Variants in EPN3 observed in about 807,000 individuals in gnomAD.
The protein encoded by EPN3 is epsin 3, also known as epsin-3.
A neutral mutation model predicts 55.5 loss-of-function variants in EPN3; 56 were observed. The observed-to-expected ratio is 1.01, with a 90% CI of 0.81 to 1.26. The LOEUF (loss-of-function observed/expected upper bound fraction) is 1.26, where lower values mean the gene tolerates loss of function less well. EPN3 is among the 50% of genes most tolerant of loss of function. EPN3 has a pLI of 0.00. For missense variants in EPN3, 927 were observed against 853.4 expected (o/e 1.09, Z -1.07); for synonymous variants, 449 against 375.2 (o/e 1.20, Z -2.27).
intron 1 of EPN3, among the ~76,000 whole-genome samples, chr17:50,534,951 T>C (rs893515057): frequency 2.0e-5 from 3 of 152,310 alleles, no homozygotes; most frequent in Middle Eastern, 3.4e-3. Flanking sequence ...GTGGAGGCTC[T>C]GCAGGCCCAG....
Position 50,543,408 on chromosome 17 carries a change from T to C in EPN3, c.*1251T>C, listed in dbSNP as rs1399025719. 6.6e-6 allele frequency: 1 copy of C among 152,286 alleles called. No homozygotes were observed. Among genetic ancestry groups the C allele is most frequent in the East Asian group, 1.9e-4 (1 of 5,200 alleles). 9.4% of individuals were successfully genotyped at this position (152,286 alleles called of 1,614,324 possible). A position where few individuals can be genotyped will look rare whatever the true frequency, so the allele number is the denominator to read the frequency against. On this transcript the variant is annotated 3_prime_UTR_variant, in exon 10 of 10. Coordinates refer to ENST00000268933, the MANE Select transcript of EPN3 (RefSeq NM_017957.3). ...TGACCACCCTCGCCTGTTTTTCTTC[T>C]CAATGCTCCCTGATCACTGGACCAC...
chr17:50,540,658 C>CT, intron 6 of EPN3, 135 bp from the exon 7 acceptor site: 2 of 1,214,038 alleles, frequency 1.6e-6, no homozygotes, highest in Non-Finnish European at 2.3e-6. Flanking sequence ...CTCCAGCCTG[C>CT]TGGGTGGTCC....
intron 1 of EPN3, among the ~76,000 whole-genome samples, chr17:50,533,917 C>A (rs1042611896): frequency 6.6e-6 from 1 of 152,192 alleles, no homozygotes; most frequent in African/African-American, 2.4e-5. Flanking sequence ...CTGCCCAGGG[C>A]TGCTGCTGCT....
intron 5 of EPN3, 37 bp from the exon 6 acceptor site, chr17:50,540,209 GC>G: frequency 6.3e-7 from 1 of 1,576,932 alleles, no homozygotes; most frequent in Non-Finnish European, 8.7e-7. Context: ...TCCAGGCCCC[GC>G]CCACTTCTGA....
rs1038815665 is a variant in EPN3 at position 50,541,916 on chromosome 17, G to T, written c.1658G>T (p.Arg553Leu). Residue 553 changes from arginine (R) to leucine (L), a missense_variant, in exon 10 of 10, where the codon CGC (arginine) becomes CTC (leucine). Transcript: ENST00000268933. ...EPGRPTLNQM[R>L]TGSPALGLAG... ...GGCAGGCCGACGCTAAACCAGATGC[G>T]CACCGGCTCGCCGGCGCTGGGCCTG... 5.0e-6 allele frequency: 8 copies of T among 1,601,814 alleles called. No homozygotes were observed. The highest frequency in any genetic ancestry group is 2.2e-5 in the South Asian group (2 of 90,974).
At chr17:50,534,331 A>G (rs2034727011) in intron 1 of EPN3, 2 of 837,632 alleles carry the variant, frequency 2.4e-6, no homozygotes, top group Non-Finnish European at 2.9e-6. Flanking sequence ...CCACACCGAG[A>G]GTCCCCTCCC....
chr17:50,540,197 C>G (rs1204943996), intron 5 of EPN3, 50 bp from the exon 6 acceptor site: 2 of 1,484,060 alleles, frequency 1.3e-6, no homozygotes, highest in East Asian at 4.5e-5. Context: ...GCCTGCCCTC[C>G]CTCCAGGCCC....
chr17:50,542,073 C>A lies in EPN3; in HGVS notation c.1815C>A (p.Phe605Leu), dbSNP rs974557618. 3.2e-6 allele frequency: 5 copies of A among 1,583,238 alleles called. No homozygotes were observed. Among genetic ancestry groups the A allele is most frequent in the Non-Finnish European group, 4.3e-6 (5 of 1,174,246 alleles). ...GCGTCTTCCCGCAGGCCGGAGCCTT[C>A]GCACCGCAGCCGCTGCTGCCCACGC... is the stretch of plus-strand genomic sequence containing the variant. ...SVSVFPQAGA[F>L]APQPLLPTPS... The change falls in exon 10 of 10, where the codon TTC (phenylalanine) becomes TTA (leucine). Residue 605 changes from phenylalanine (F) to leucine (L), a missense_variant. Coordinates refer to ENST00000268933, the MANE Select transcript of EPN3 (RefSeq NM_017957.3).
At position 50,541,856 on chromosome 17, in the gene EPN3, C is replaced by A; in HGVS notation, c.1598C>A (p.Pro533Gln). The change falls in exon 10 of 10, where the codon CCG (proline) becomes CAG (glutamine). Residue 533 changes from proline (P) to glutamine (Q), a missense_variant. By Grantham distance (76) the Pro-to-Gln change is moderately conservative. Coordinates refer to ENST00000268933, the MANE Select transcript of EPN3 (RefSeq NM_017957.3). ...RNPFLTGLSA[P>Q]SPTNPFGAGE... is the part of the protein sequence containing the mutation. ...TCTCGTTCTGCAGGTCTCAGCGCTC[C>A]GTCCCCCACCAACCCGTTCGGCGCG... 1 of 1,609,948 alleles carries A rather than the reference C, an allele frequency of 6.2e-7. No individual in the cohort carries two copies. The highest frequency in any genetic ancestry group is 8.5e-7 in the Non-Finnish European group (1 of 1,180,004).
intron 7 of EPN3, 27 bp from the exon 8 acceptor site, chr17:50,541,202 A>G (rs1363566143): frequency 5.0e-6 from 8 of 1,612,716 alleles, no homozygotes; most frequent in Non-Finnish European, 6.8e-6. Context: ...TTGTCAACCC[A>G]TCTCCTCTTC....
At position 50,541,711 on chromosome 17, in the gene EPN3, T is replaced by C. The variant is rs956167355; in HGVS notation, c.1585+17T>C. On this transcript the variant is annotated intron_variant, in intron 9 of 9. Transcript: ENST00000268933. ...TCCTGACAGGTAAGATATGCCCTTG[T>C]CCCTCAACCCAGGGGCTCCTGCTTT... 9.9e-6 allele frequency: 16 copies of C among 1,611,920 alleles called. No individual in the cohort carries two copies. The African/African-American group carries it at 2.1e-4, about 22-fold the overall frequency.
chr17:50,538,641 A>G (rs932264946), intron 3 of EPN3: 5 of 454,964 alleles, frequency 1.1e-5, no homozygotes, highest in Non-Finnish European at 2.0e-5. Context: ...CTCACACAGG[A>G]GGGCCTGAGG....
intron 1 of EPN3, 143 bp downstream of exon 1, chr17:50,533,128 T>C (rs1455218145): frequency 9.2e-6 from 4 of 434,750 alleles, no homozygotes; most frequent in Non-Finnish European, 1.5e-5. Context: ...AAAGGCTTCT[T>C]TCCTGCCACC....
At position 50,540,260 on chromosome 17, in the gene EPN3, A is replaced by T. The variant is rs2034828121; in HGVS notation, c.905A>T (p.Asp302Val). The T allele has an allele frequency of 6.2e-7, 1 of 1,612,356 alleles. No homozygotes were observed. Among genetic ancestry groups the T allele is most frequent in the African/African-American group, 1.3e-5 (1 of 74,892 alleles). Residue 302 changes from aspartate (D) to valine (V), a missense_variant, in exon 6 of 10, where the codon GAC (aspartate) becomes GTC (valine). By Grantham distance (152) the Asp-to-Val change is radical. Transcript: ENST00000268933. The part of the protein sequence containing the change: ...KLKTSQSSIL[D>V]LADIFVPALA... Reference sequence around the variant, plus strand: ...TCCCCTCCACAGTCCTCCATCCTGGACTTGGCTGACATCTTCGTACCTGCC... The same window carrying T: ...TCCCCTCCACAGTCCTCCATCCTGGTCTTGGCTGACATCTTCGTACCTGCC...
At chr17:50,540,485 C>G (rs2034832177) in intron 6 of EPN3, 151 bp downstream of exon 6, 1 of 747,442 alleles carries the variant, frequency 1.3e-6, no homozygotes, top group African/African-American at 1.8e-5. Flanking sequence ...GTGGGACAGG[C>G]TTTCGTAGTG....
intron 3 of EPN3, chr17:50,538,401 A>C: frequency 3.5e-6 from 2 of 574,518 alleles, no homozygotes; most frequent in East Asian, 5.8e-5. Flanking sequence ...GGGCCTGGAA[A>C]GGGTGGCGAG....
intron 1 of EPN3, among the ~76,000 whole-genome samples, chr17:50,535,169 T>C (rs548020765): frequency 3.2e-4 from 49 of 152,310 alleles, no homozygotes; most frequent in Admixed American, 5.2e-4. Context: ...CCACTATGTG[T>C]CCAGCGTTTT....
rs769165986 is a variant in EPN3, at chr17:50,538,180, C to T, written c.664C>T (p.Arg222Cys). The T allele has an allele frequency of 1.5e-5, 24 of 1,611,472 alleles. No individual in the cohort carries two copies. Among genetic ancestry groups the T allele is most frequent in the South Asian group, 2.2e-5 (2 of 91,082 alleles). ...GCTGCAGCTGGCCCTCGCCATGAGC[C>T]GTGAGGAGGCAGAGAAGGTGAGGCC... ...LQLQLALAMS[R>C]EEAEKPVPPA... Residue 222 changes from arginine to cysteine, a missense_variant, in exon 3 of 10, where the codon CGT (arginine) becomes TGT (cysteine). Transcript: ENST00000268933.
chr17:50,541,929 G>T lies in EPN3; in HGVS notation c.1671G>T (p.Pro557=). The part of the protein sequence containing the change: ...PTLNQMRTGS[P]ALGLAGGPVG... ...TAAACCAGATGCGCACCGGCTCGCC[G>T]GCGCTGGGCCTGGCAGGCGGGCCTG... is the stretch of plus-strand genomic sequence containing the variant. The change falls in exon 10 of 10, where the codon CCG becomes CCT. Residue 557 remains proline, a synonymous_variant. Coordinates refer to ENST00000268933, the MANE Select transcript of EPN3 (RefSeq NM_017957.3). The T allele has an allele frequency of 1.3e-6, 2 of 1,599,546 alleles. No individual in the cohort carries two copies. Among genetic ancestry groups the T allele is most frequent in the Non-Finnish European group, 1.7e-6 (2 of 1,178,186 alleles).
Sources: gnomAD v4.1 joint callset for allele counts (sites outside exome capture counted in the v4.1 genomes callset) on GRCh38, gnomAD v4.1.1 for gene constraint, MANE v1.5 for transcripts, NCBI Gene and HGNC (gene_info 2026-07-23, HGNC 2026-07-21) for gene names.